NFAT5: variants seen among roughly 807,000 people sequenced by gnomAD.
NFAT5 encodes nuclear factor of activated T cells 5, also known as nuclear factor of activated T-cells 5.
In NFAT5, 31 loss-of-function variants were observed where a neutral mutation model predicts 166.5. That is an observed-to-expected ratio of 0.19 (90% CI 0.14 to 0.25). The LOEUF is 0.25. NFAT5 is among the 10% of genes least tolerant of loss of function. NFAT5 has a pLI of 1.00. For synonymous variants in NFAT5, 612 were observed against 639.7 expected (o/e 0.96, Z 0.65); for missense variants, 1,449 against 1,821.8 (o/e 0.80, Z 3.72).
Position 69,647,212 on chromosome 16 carries a change from A to T in NFAT5, c.438A>T (p.Thr146=). The T allele has an allele frequency of 5.0e-6, 8 of 1,614,052 alleles. No homozygotes were observed. Among genetic ancestry groups the T allele is most frequent in the Non-Finnish European group, 6.8e-6 (8 of 1,179,916 alleles). The change falls in exon 4 of 15, where the codon ACA becomes ACT. Residue 146 remains threonine (T), a synonymous_variant. Transcript: ENST00000349945. This position sits in a 1 kb window ranked among gnomAD's most constrained non-coding sequence, Gnocchi z 4.8. ...GVSEKQLTSN[T]VQQHPSTPKR... ...GTGAAAAGCAGTTAACCAGTAACAC[A>T]GTTCAGCAGCATCCATCAACACCGA... is the stretch of plus-strand genomic sequence containing the variant.
rs2037847674 is a variant in NFAT5 at position 69,699,040 on chromosome 16, T to C, written c.*2689T>C. 1 of 152,546 alleles carries C rather than the reference T, an allele frequency of 6.6e-6. No homozygotes were observed. Among genetic ancestry groups the C allele is most frequent in the Non-Finnish European group, 1.5e-5 (1 of 68,018 alleles). The allele number at this position is 152,546 out of a possible 1,614,324, so 9.4% of individuals were successfully genotyped here. On this transcript the variant is annotated 3_prime_UTR_variant, in exon 15 of 15. Transcript: ENST00000349945. ...GTAAAATTCTAACCCTAAAGTAGGG[T>C]TGGTTGAAATTTCAGACAAAGCAAA... is the stretch of plus-strand genomic sequence containing the variant.
chr16:69,626,471 A>G lies in NFAT5; in HGVS notation c.196A>G (p.Met66Val), dbSNP rs1406509003. ...PPSRETSVAS[M>V]SQTSGGEAGS... ...ATCTAGAGAAACATCTGTAGCATCA[A>G]TGAGTCAGACAAGCGGTGGTGAGGC... The change falls in exon 3 of 15, where the codon ATG (methionine) becomes GTG (valine). Residue 66 changes from methionine (M) to valine (V), a missense_variant. Physicochemically the swap from Met to Val is conservative, Grantham distance 21. This residue lies in a region of NFAT5 where 172 missense variants were observed against 194.5 expected (regional missense o/e 0.88). Coordinates refer to ENST00000349945, the MANE Select transcript of NFAT5 (RefSeq NM_138713.4). 4 of 1,597,458 alleles carry G rather than the reference A, an allele frequency of 2.5e-6. No homozygotes were observed. Among genetic ancestry groups the G allele is most frequent in the Non-Finnish European group, 2.6e-6 (3 of 1,172,262 alleles).
chr16:69,660,931 C>A (rs776800628), intron 7 of NFAT5, among the ~76,000 whole-genome samples: 1 of 151,926 alleles, frequency 6.6e-6, no homozygotes, highest in African/African-American at 2.4e-5. Flanking sequence ...GCCTCAGCCT[C>A]CCGAGTAGCT....
chr16:69,633,330 C>G (rs1013316308), intron 3 of NFAT5, among the ~76,000 whole-genome samples: 3 of 152,120 alleles, frequency 2.0e-5, no homozygotes, highest in African/African-American at 7.2e-5. Context: ...GATACAGTTA[C>G]TGATTTTATG....
chr16:69,688,228 C>CAAAAAAAAAA (rs2037406802), intron 11 of NFAT5, among the ~76,000 whole-genome samples: 12 of 102,398 alleles, frequency 1.2e-4, no homozygotes, highest in African/African-American at 4.3e-4. Flanking sequence ...AAAAAAAAAC[C>CAAAAAAAAAA]AGGAGTTTGA....
chr16:69,620,930 A>T (rs1028542091), intron 2 of NFAT5, among the ~76,000 whole-genome samples: 1 of 152,328 alleles, frequency 6.6e-6, no homozygotes, highest in East Asian at 1.9e-4. Flanking sequence ...CTTCTTCCAG[A>T]TTGAACCTAT....
intron 4 of NFAT5, chr16:69,648,351 A>C (rs958348436): frequency 1.0e-6 from 1 of 983,324 alleles, no homozygotes; most frequent in African/African-American, 1.7e-5. Flanking sequence ...TGATGAAAAC[A>C]AGAAAAAACT....
chr16:69,649,484 G>A, intron 4 of NFAT5: 13 of 984,100 alleles, frequency 1.3e-5, no homozygotes, highest in Non-Finnish European at 1.6e-5. Flanking sequence ...AAAGTATAAT[G>A]ACATTGGTCA....
At chr16:69,576,286 G>A (rs1373380954) in intron 2 of NFAT5, among the ~76,000 whole-genome samples, 4 of 141,998 alleles carry the variant, frequency 2.8e-5, no homozygotes, top group Admixed American at 7.0e-5. Context: ...AGTGAGACTC[G>A]GTCTCAAAAA....
At chr16:69,570,908 G>T (rs944683508) in intron 2 of NFAT5, among the ~76,000 whole-genome samples, 2 of 152,056 alleles carry the variant, frequency 1.3e-5, no homozygotes, top group African/African-American at 4.8e-5. Flanking sequence ...TTTTTGTGAA[G>T]ATTATTTGAG....
chr16:69,615,672 T>C (rs1259950147), intron 2 of NFAT5, among the ~76,000 whole-genome samples: 1 of 152,196 alleles, frequency 6.6e-6, no homozygotes, highest in Non-Finnish European at 1.5e-5. Context: ...TAGGGTTCCT[T>C]CTTCTTTTCT....
chr16:69,599,407 T>G (rs2033001690), intron 2 of NFAT5, among the ~76,000 whole-genome samples: 5 of 152,008 alleles, frequency 3.3e-5, no homozygotes, highest in Admixed American at 3.3e-4. Context: ...TGAAACCCTG[T>G]CTCTCCTAAA....
In NFAT5 at chr16:69,623,077, G is replaced by A. The variant is rs564259924; in HGVS notation, c.128-3326G>A. Among the ~76,000 whole-genome samples the A allele has an allele frequency of 5.0e-4, 76 of 152,194 alleles. 1 individual carries two copies. The highest frequency in any genetic ancestry group is 6.8e-3 in the Middle Eastern group (2 of 294). ...GGAGAATCACTTGGACCTGTGAGGC[G>A]GAGGTTGTGGTGAGCCAAGATTGCA... On this transcript the variant is annotated intron_variant, in intron 2 of 14. Transcript: ENST00000349945.
chr16:69,641,395 C>G (rs2035207596), intron 3 of NFAT5, among the ~76,000 whole-genome samples: 1 of 150,542 alleles, frequency 6.6e-6, no homozygotes, highest in Admixed American at 6.6e-5. Context: ...ACTTAGCACT[C>G]TTGCAAAATT....
Position 69,692,060 on chromosome 16 carries a change from A to G in NFAT5, c.2235A>G (p.Thr745=). 2 of 1,614,206 alleles carry G rather than the reference A, an allele frequency of 1.2e-6. No individual in the cohort carries two copies. The highest frequency in any genetic ancestry group is 8.5e-7 in the Non-Finnish European group (1 of 1,180,044). The change falls in exon 13 of 15, where the codon ACA becomes ACG. Residue 745 remains threonine (T), a synonymous_variant. Coordinates refer to ENST00000349945, the MANE Select transcript of NFAT5 (RefSeq NM_138713.4). ...GAGAGATATTACAGTCAGATGGTAC[A>G]GTGGTTAATTTGTCACAACTGACTG... ...QSREILQSDG[T]VVNLSQLTEA...
At chr16:69,595,770 A>G (rs1351045681) in intron 2 of NFAT5, among the ~76,000 whole-genome samples, 1 of 152,206 alleles carries the variant, frequency 6.6e-6, no homozygotes, top group African/African-American at 2.4e-5. Context: ...CAAATTGCCA[A>G]ATGTCACTAC....
chr16:69,637,791 A>G (rs1357227021), intron 3 of NFAT5, among the ~76,000 whole-genome samples: 1 of 152,234 alleles, frequency 6.6e-6, no homozygotes, highest in African/African-American at 2.4e-5. Flanking sequence ...TATAAAAGGA[A>G]CATTGATAGA....
At chr16:69,617,582 C>G (rs905876242) in intron 2 of NFAT5, among the ~76,000 whole-genome samples, 1 of 151,708 alleles carries the variant, frequency 6.6e-6, no homozygotes, top group African/African-American at 2.4e-5. Flanking sequence ...CCTTGACCTC[C>G]TGGGCTCAAG....
Position 69,695,324 on chromosome 16 carries a change from C to G in NFAT5, c.4603C>G (p.Leu1535Val). The change falls in exon 14 of 15, where the codon CTT becomes GTT. Residue 1535 changes from leucine to valine, a missense_variant. This residue lies in a region of NFAT5 where 891 missense variants were observed against 993.0 expected (regional missense o/e 0.90). Coordinates refer to ENST00000349945, the MANE Select transcript of NFAT5 (RefSeq NM_138713.4). ...TNQNIEKIDL[L>V]VSLQNQGNNL... ...CCAGAACATCGAAAAGATTGATTTG[C>G]TTGTTTCATTGCAAAACCAAGGGAA... 6.2e-7 allele frequency: 1 copy of G among 1,614,142 alleles called. No homozygotes were observed. The highest frequency in any genetic ancestry group is 2.2e-5 in the East Asian group (1 of 44,890).
Sources: gnomAD v4.1 joint callset for allele counts (sites outside exome capture counted in the v4.1 genomes callset) on GRCh38, gnomAD v4.1.1 for gene constraint, gnomAD v4.1.1 regional missense constraint, Gnocchi (gnomAD v3.1) non-coding constraint, MANE v1.5 for transcripts, NCBI Gene and HGNC (gene_info 2026-07-23, HGNC 2026-07-21) for gene names.